MLIP: variants seen among roughly 807,000 people sequenced by gnomAD.
MLIP encodes the protein muscular LMNA-interacting protein.
Under a neutral mutation model 84.8 loss-of-function variants are expected in MLIP, and 79 were observed. The ratio of observed to expected loss-of-function variants is 0.93; its 90% confidence interval spans 0.78 to 1.12. MLIP has a LOEUF of 1.12. Among genes scored for constraint, MLIP ranks in the 50% most tolerant of loss-of-function variants. MLIP has a pLI of 0.00. For missense variants in MLIP, 1,257 were observed against 1,160.6 expected, an observed-to-expected ratio of 1.08 and a Z score of -1.21; for synonymous variants, 504 against 463.0, an observed-to-expected ratio of 1.09 and a Z score of -1.14.
intron 12 of MLIP, among the ~76,000 whole-genome samples, chr6:54,242,198 C>G (rs1175473467): frequency 2.0e-5 from 3 of 152,128 alleles, no homozygotes; most frequent in Non-Finnish European, 4.4e-5. Flanking sequence ...GTGGGAGAGG[C>G]CCCTTCACAA....
At position 54,019,083 on chromosome 6, in the gene MLIP, A is replaced by G. The variant is rs372900515; in HGVS notation, c.55A>G (p.Lys19Glu). 5.5e-5 allele frequency: 89 copies of G among 1,611,784 alleles called. No individual in the cohort carries two copies. The highest frequency in any genetic ancestry group is 7.3e-5 in the Non-Finnish European group (86 of 1,179,042). ...CTTATTAAACAAGAATTTAGAGGAG[A>G]AACTGACGGTAAGACATGAGATTTA... is the stretch of plus-strand genomic sequence containing the variant. The change falls in exon 1 of 13, where the codon AAA becomes GAA. Residue 19 changes from lysine (K) to glutamate (E), a missense_variant. Lys to Glu is a moderately conservative substitution (Grantham distance 56). Coordinates refer to the MLIP transcript ENST00000274897.
chr6:54,082,809 G>T (rs1409922806), intron 1 of MLIP, among the ~76,000 whole-genome samples: 4 of 150,444 alleles, frequency 2.7e-5, no homozygotes, highest in African/African-American at 9.9e-5. Flanking sequence ...CATATAATTT[G>T]CAAATTATTT....
chr6:54,141,038 A>G (rs1282767273), intron 4 of MLIP, among the ~76,000 whole-genome samples: 1 of 152,146 alleles, frequency 6.6e-6, no homozygotes, highest in Non-Finnish European at 1.5e-5. Context: ...TAATTAAAAC[A>G]TGAGTGCTTG....
At chr6:54,106,572 G>C (rs563750074), upstream of MLIP, among the ~76,000 whole-genome samples, 30 of 152,304 alleles carry the variant, frequency 2.0e-4, no homozygotes, top group African/African-American at 6.7e-4. Flanking sequence ...TGAAGGGACA[G>C]CCAATAGGAT....
At position 54,189,901 on chromosome 6, in the gene MLIP, C is replaced by G. The variant is rs35722245; in HGVS notation, c.2576C>G (p.Ser859Cys). 965 of 1,603,872 alleles carry G rather than the reference C, an allele frequency of 6.0e-4. 3 individuals carry two copies. The highest frequency in any genetic ancestry group is 1.8e-3 in the Middle Eastern group (11 of 6,018). ...CTCTCCTCACCATCTTCTACAGTATCTGAGAGTCAGCTGGTATGTATCTTC... is the reference window on the plus strand; with the variant it reads ...CTCTCCTCACCATCTTCTACAGTATGTGAGAGTCAGCTGGTATGTATCTTC... The part of the protein sequence containing the change: ...ANLSSPSSTV[S>C]ESQLTKPGVI... Residue 859 changes from serine to cysteine, a missense_variant, in exon 10 of 14, where the codon TCT becomes TGT. Ser to Cys is a moderately radical substitution (Grantham distance 112, BLOSUM62 -1). Coordinates refer to ENST00000502396, the MANE Select transcript of MLIP (RefSeq NM_001281747.2).
intron 1 of MLIP, chr6:54,041,022 A>G (rs1764712188): frequency 6.6e-6 from 1 of 152,096 alleles, no homozygotes; most frequent in East Asian, 1.9e-4. Flanking sequence ...GCATCACAAA[A>G]TGTACCCATG....
At chr6:54,264,940 G>A (rs995362453) in intron 13 of MLIP, among the ~76,000 whole-genome samples, 7 of 151,938 alleles carry the variant, frequency 4.6e-5, no homozygotes, top group Admixed American at 2.6e-4. Flanking sequence ...GAATGTAACC[G>A]CGATTCACAA....
intron 1 of MLIP, among the ~76,000 whole-genome samples, chr6:54,074,448 C>T (rs1432450828): frequency 4.6e-5 from 7 of 151,942 alleles, no homozygotes; most frequent in Admixed American, 2.6e-4. Flanking sequence ...TTTTAAAAAA[C>T]GAAGACCTTT....
intron 1 of MLIP, among the ~76,000 whole-genome samples, chr6:54,020,021 G>T (rs1169650353): frequency 6.6e-6 from 1 of 152,140 alleles, no homozygotes; most frequent in East Asian, 1.9e-4. Context: ...TACCCACTTT[G>T]TACCTCTGCC....
intron 1 of MLIP, among the ~76,000 whole-genome samples, chr6:54,088,668 A>G (rs1767658068): frequency 6.6e-6 from 1 of 152,190 alleles, no homozygotes; most frequent in South Asian, 2.1e-4. Flanking sequence ...ATAGCTTATT[A>G]TACCTGTTAC....
At position 54,215,339 on chromosome 6, in the gene MLIP, A is replaced by G. The variant is rs1396572690; in HGVS notation, c.2718+13106A>G. ...GTGATTTTTGAAAAAATCAGTCCTTACTGAACTTCAATTTTATCCTACAAA... is the reference window on the plus strand; with the variant it reads ...GTGATTTTTGAAAAAATCAGTCCTTGCTGAACTTCAATTTTATCCTACAAA... On this transcript the variant is annotated intron_variant, in intron 11 of 13. Coordinates refer to ENST00000502396, the MANE Select transcript of MLIP (RefSeq NM_001281747.2). 3 of 1,330,586 alleles carry G rather than the reference A, an allele frequency of 2.3e-6. No individual in the cohort carries two copies. In the African/African-American group the frequency reaches 4.5e-5, roughly 20 times the overall value. The allele number at this position is 1,330,586 out of a possible 1,614,324, so 82.4% of individuals were successfully genotyped here. A position where few individuals can be genotyped will look rare whatever the true frequency, so the allele number is the denominator to read the frequency against.
rs146823167 is a variant in MLIP, at chr6:54,123,961, C to A, written c.253-512C>A. On this transcript the variant is annotated intron_variant, in intron 2 of 13. Transcript: ENST00000502396. ...TTTTTTGGTGTTCTATTTATGAGTT[C>A]TCCCTAATTAACTTAGATTGTTTTG... 7.9e-5 allele frequency among the ~76,000 whole-genome samples: 12 copies of A among 152,258 alleles called. No individual in the cohort carries two copies. The South Asian group carries it at 1.2e-3, about 16-fold the overall frequency.
At chr6:54,245,773 C>A (rs899558998) in intron 12 of MLIP, among the ~76,000 whole-genome samples, 4 of 152,050 alleles carry the variant, frequency 2.6e-5, no homozygotes, top group African/African-American at 7.2e-5. Flanking sequence ...ATAGTTCAAC[C>A]TAGTTGTCTC....
At chr6:54,263,216 A>G (rs1033453719) in intron 13 of MLIP, among the ~76,000 whole-genome samples, 4 of 152,044 alleles carry the variant, frequency 2.6e-5, no homozygotes, top group South Asian at 2.1e-4. Flanking sequence ...TGGAACTCAC[A>G]TCATTCAGAT....
At chr6:54,117,560 A>C (rs1368996040) in intron 1 of MLIP, among the ~76,000 whole-genome samples, 3 of 152,052 alleles carry the variant, frequency 2.0e-5, no homozygotes, top group Middle Eastern at 3.4e-3. Context: ...TCCTAGCCAC[A>C]GCAATTAGGC....
At chr6:54,263,969 A>G (rs142832743) in intron 13 of MLIP, among the ~76,000 whole-genome samples, 3 of 152,214 alleles carry the variant, frequency 2.0e-5, no homozygotes, top group African/African-American at 7.2e-5. Context: ...CTCTTTACCT[A>G]TAATGAGATT....
intron 1 of MLIP, among the ~76,000 whole-genome samples, chr6:54,027,154 T>C (rs556706362): frequency 6.6e-6 from 1 of 152,250 alleles, no homozygotes. Context: ...AGTTCACAGT[T>C]CAGTACTGAT....
intron 1 of MLIP, among the ~76,000 whole-genome samples, chr6:54,117,684 C>A (rs1770064538): frequency 6.6e-6 from 1 of 151,660 alleles, no homozygotes; most frequent in Non-Finnish European, 1.5e-5. Flanking sequence ...TGGTGGCTAA[C>A]ACCTGTAATC....
chr6:54,254,964 A>G (rs778211611), intron 12 of MLIP, among the ~76,000 whole-genome samples: 1 of 152,052 alleles, frequency 6.6e-6, no homozygotes, highest in South Asian at 2.1e-4. Context: ...ACTGCCTAAG[A>G]TAATTAAGCT....
Sources: allele counts gnomAD v4.1 joint callset (sites outside exome capture counted in the v4.1 genomes callset), GRCh38; gene constraint gnomAD v4.1.1; transcripts MANE v1.5; gene names NCBI Gene and HGNC (gene_info 2026-07-23, HGNC 2026-07-21).